GRM5: variants seen among roughly 807,000 people sequenced by gnomAD.
GRM5 encodes glutamate metabotropic receptor 5, also known as metabotropic glutamate receptor 5.
A neutral mutation model predicts 83.1 loss-of-function variants in GRM5; 19 were observed. The observed-to-expected ratio is 0.23, with a 90% confidence interval of 0.16 to 0.34. The LOEUF is 0.34. GRM5 is among the 10% of genes least tolerant of loss of function. The pLI is 1.00. For missense variants in GRM5, 1,160 were observed against 1,588.3 expected (o/e 0.73, Z 4.58); for synonymous variants, 675 against 633.6 (o/e 1.07, Z -0.98).
chr11:88,828,622 C>T (rs537772916), intron 3 of GRM5, among the ~76,000 whole-genome samples: 3 of 151,826 alleles, frequency 2.0e-5, no homozygotes, highest in Non-Finnish European at 4.4e-5. Flanking sequence ...TTATTATACA[C>T]CAGTGATTAA....
intron 2 of GRM5, among the ~76,000 whole-genome samples, chr11:88,934,958 A>G (rs905470971): frequency 6.6e-6 from 1 of 151,886 alleles, no homozygotes; most frequent in Non-Finnish European, 1.5e-5. Flanking sequence ...GAAAGGGCAA[A>G]TTAATACCTG....
intron 7 of GRM5, among the ~76,000 whole-genome samples, chr11:88,574,236 A>T (rs1479588679): frequency 5.3e-5 from 8 of 152,208 alleles, no homozygotes; most frequent in Non-Finnish European, 1.2e-4. Context: ...TATATTTTGT[A>T]TACAATTAAA....
chr11:88,951,660 T>G (rs1305500923), intron 2 of GRM5, among the ~76,000 whole-genome samples: 1 of 152,258 alleles, frequency 6.6e-6, no homozygotes, highest in Non-Finnish European at 1.5e-5. Context: ...AGCAACTTGC[T>G]TATCCCCTCT....
At chr11:89,043,564 A>C (rs1359337988) in intron 2 of GRM5, among the ~76,000 whole-genome samples, 1 of 146,870 alleles carries the variant, frequency 6.8e-6, no homozygotes, top group African/African-American at 2.7e-5. Flanking sequence ...AAGAATATTA[A>C]TGCATGTTAT....
At chr11:88,571,258 A>G (rs1476721389) in intron 7 of GRM5, among the ~76,000 whole-genome samples, 2 of 152,222 alleles carry the variant, frequency 1.3e-5, no homozygotes, top group Middle Eastern at 3.2e-3. Flanking sequence ...AAGAAAACTC[A>G]TTAGATATAT....
chr11:88,800,212 CAAAGTTG>C (rs1485024435), intron 3 of GRM5, among the ~76,000 whole-genome samples: 1 of 152,008 alleles, frequency 6.6e-6, no homozygotes. Context: ...GGCAAATTGC[CAAAGTTG>C]CTCTAAAAAT....
chr11:88,572,837 A>T (rs1943031493), intron 7 of GRM5, among the ~76,000 whole-genome samples: 1 of 152,150 alleles, frequency 6.6e-6, no homozygotes. Context: ...GAGGTTACCT[A>T]AGAGTCTAAA....
chr11:88,804,603 G>A (rs1299278315), intron 3 of GRM5, among the ~76,000 whole-genome samples: 1 of 151,846 alleles, frequency 6.6e-6, no homozygotes, highest in Non-Finnish European at 1.5e-5. Flanking sequence ...GAGTTAATGG[G>A]TGCAGCACAC....
At chr11:88,665,870 G>T (rs939471735) in intron 3 of GRM5, among the ~76,000 whole-genome samples, 3 of 143,780 alleles carry the variant, frequency 2.1e-5, no homozygotes, top group African/African-American at 4.9e-5. Flanking sequence ...AAAAAAAATG[G>T]ACTGAAGAAA....
intron 3 of GRM5, among the ~76,000 whole-genome samples, chr11:88,740,621 G>T (rs1426476711): frequency 6.6e-6 from 1 of 152,070 alleles, no homozygotes; most frequent in African/African-American, 2.4e-5. Flanking sequence ...ACAGAGTTGA[G>T]ATTAGGACCT....
chr11:88,889,111 A>C (rs1945094227), intron 2 of GRM5, among the ~76,000 whole-genome samples: 2 of 152,174 alleles, frequency 1.3e-5, no homozygotes, highest in African/African-American at 4.8e-5. Flanking sequence ...AAAATATCTT[A>C]AGCACTAATC....
At chr11:88,777,474 C>G (rs776806649) in intron 3 of GRM5, among the ~76,000 whole-genome samples, 16 of 152,212 alleles carry the variant, frequency 1.1e-4, no homozygotes, top group Non-Finnish European at 4.4e-5. Flanking sequence ...CAGCTTTGTT[C>G]CATTGCTGGC....
In GRM5 at chr11:88,508,502, G is replaced by A; in HGVS notation, c.*90C>T. Reference sequence around the variant, plus strand: ...GCCCTTGGCATCTTCCCCCTGGGCCGTAACCAGGCGACTATGCTTGCCATT... The same window carrying A: ...GCCCTTGGCATCTTCCCCCTGGGCCATAACCAGGCGACTATGCTTGCCATT... On this transcript the variant is annotated 3_prime_UTR_variant, in exon 10 of 10. Transcript: ENST00000305447. The surrounding 1 kb of genome is among the most constrained non-coding windows in gnomAD (Gnocchi z 4.2). 8 of 1,064,068 alleles carry A rather than the reference G, an allele frequency of 7.5e-6. No homozygotes were observed. The highest frequency in any genetic ancestry group is 6.0e-5 in the South Asian group (4 of 66,594). 65.9% of individuals were successfully genotyped at this position (1,064,068 alleles called of 1,614,324 possible).
chr11:88,993,580 T>C (rs1373195190), intron 2 of GRM5, among the ~76,000 whole-genome samples: 2 of 152,196 alleles, frequency 1.3e-5, no homozygotes, highest in African/African-American at 2.4e-5. Context: ...TTCAGAGTCT[T>C]TTTTGGTTCT....
At chr11:89,040,003 C>G (rs1045343435) in intron 2 of GRM5, among the ~76,000 whole-genome samples, 5 of 151,990 alleles carry the variant, frequency 3.3e-5, no homozygotes, top group African/African-American at 1.2e-4. Context: ...AGAGATAGAG[C>G]CTTATTATGT....
chr11:88,568,864 A>G (rs1045882216), intron 7 of GRM5, among the ~76,000 whole-genome samples: 2 of 152,232 alleles, frequency 1.3e-5, no homozygotes, highest in African/African-American at 4.8e-5. Flanking sequence ...TTTTTATAAG[A>G]AAACTGACCC....
intron 4 of GRM5, among the ~76,000 whole-genome samples, chr11:88,609,824 T>C (rs1183660930): frequency 6.6e-6 from 1 of 152,214 alleles, no homozygotes; most frequent in African/African-American, 2.4e-5. Flanking sequence ...ATGTTCAGAA[T>C]GGTATTTCTT....
At chr11:88,590,037 G>T (rs1937611496) in intron 7 of GRM5, among the ~76,000 whole-genome samples, 1 of 151,806 alleles carries the variant, frequency 6.6e-6, no homozygotes, top group Admixed American at 6.6e-5. Flanking sequence ...ACATCTGTTG[G>T]CACAAAGAAG....
intron 3 of GRM5, among the ~76,000 whole-genome samples, chr11:88,713,992 T>C (rs1216915707): frequency 3.3e-5 from 5 of 152,156 alleles, no homozygotes; most frequent in South Asian, 2.1e-4. Context: ...GATTTATGAA[T>C]CTTATGGGCT....
Sources: allele counts gnomAD v4.1 joint callset (sites outside exome capture counted in the v4.1 genomes callset), GRCh38; gene constraint gnomAD v4.1.1; non-coding constraint Gnocchi (gnomAD v3.1); transcripts MANE v1.5; gene names NCBI Gene and HGNC (gene_info 2026-07-23, HGNC 2026-07-21).